SEMA6D: variants seen among roughly 807,000 people sequenced by gnomAD.
The protein encoded by SEMA6D is semaphorin 6D, also known as semaphorin-6D.
SEMA6D carries 35 observed loss-of-function variants against 106.6 expected under a neutral mutation model. The ratio of observed to expected loss-of-function variants is 0.33; its 90% confidence interval spans 0.25 to 0.44. SEMA6D has a LOEUF of 0.44. SEMA6D is among the 20% of genes least tolerant of loss of function. SEMA6D has a pLI of 1.00. For synonymous variants in SEMA6D, 499 were observed against 487.7 expected, an observed-to-expected ratio of 1.02 and a Z score of -0.31; for missense variants, 1,185 against 1,345.9, an observed-to-expected ratio of 0.88 and a Z score of 1.87.
At chr15:47,667,830 A>G (rs1218462270) in intron 4 of SEMA6D, among the ~76,000 whole-genome samples, 1 of 152,190 alleles carries the variant, frequency 6.6e-6, no homozygotes, top group Non-Finnish European at 1.5e-5. Flanking sequence ...CATTCAGTCT[A>G]TAACATTTAG....
chr15:47,337,044 C>T (rs75252577), intron 1 of SEMA6D, among the ~76,000 whole-genome samples: 25 of 152,180 alleles, frequency 1.6e-4, no homozygotes, highest in African/African-American at 4.6e-4. Context: ...TACACTCAGG[C>T]AACAGGGTGA....
intron 1 of SEMA6D, among the ~76,000 whole-genome samples, chr15:47,317,688 G>A (rs1288653931): frequency 3.9e-5 from 6 of 152,052 alleles, no homozygotes; most frequent in South Asian, 4.2e-4. Flanking sequence ...TTCCATTCTC[G>A]TATTGCTCGC....
At chr15:47,409,737 A>G (rs1189524242) in intron 1 of SEMA6D, among the ~76,000 whole-genome samples, 2 of 152,182 alleles carry the variant, frequency 1.3e-5, no homozygotes, top group Non-Finnish European at 2.9e-5. Flanking sequence ...GGTTAAGACC[A>G]GTATCCTCAG....
At chr15:47,585,738 A>G (rs1386640983) in intron 3 of SEMA6D, among the ~76,000 whole-genome samples, 2 of 149,762 alleles carry the variant, frequency 1.3e-5, no homozygotes, top group South Asian at 2.1e-4. Flanking sequence ...ACTATGTGCT[A>G]TGCACTGGGC....
chr15:47,289,283 A>C lies in SEMA6D; in HGVS notation c.-239+104865A>C, dbSNP rs1462572306. On this transcript the variant is annotated intron_variant, in intron 1 of 19. Coordinates refer to the SEMA6D transcript ENST00000558014. ...GTGGCCTGCACCTGTAATCCCAGCT[A>C]CTCAGGAGGCCAAAGCAGGAGAATC... 2.0e-5 allele frequency among the ~76,000 whole-genome samples: 3 copies of C among 150,988 alleles called. No homozygotes were observed. The East Asian group carries it at 5.9e-4, about 30-fold the overall frequency.
chr15:47,656,835 A>T (rs761368248), intron 4 of SEMA6D, among the ~76,000 whole-genome samples: 1 of 152,182 alleles, frequency 6.6e-6, no homozygotes, highest in Non-Finnish European at 1.5e-5. Flanking sequence ...ACAAGAGAGG[A>T]TGGTGATCAG....
intron 1 of SEMA6D, among the ~76,000 whole-genome samples, chr15:47,310,700 AGTAT>A (rs2036414980): frequency 6.6e-6 from 1 of 152,182 alleles, no homozygotes; most frequent in African/African-American, 2.4e-5. Flanking sequence ...TGAAGGAAGG[AGTAT>A]TTTCTATATA....
chr15:47,600,010 A>T (rs945517164), intron 3 of SEMA6D, among the ~76,000 whole-genome samples: 2 of 151,250 alleles, frequency 1.3e-5, no homozygotes, highest in Non-Finnish European at 3.0e-5. Flanking sequence ...CATTTGGGGA[A>T]TTTTTTTTTC....
intron 3 of SEMA6D, among the ~76,000 whole-genome samples, chr15:47,593,541 A>G (rs1402126403): frequency 2.0e-5 from 3 of 148,848 alleles, no homozygotes; most frequent in African/African-American, 7.4e-5. Flanking sequence ...AAATAATCAG[A>G]AAAAAAAAAG....
chr15:47,450,286 A>G (rs2042149045), intron 2 of SEMA6D, among the ~76,000 whole-genome samples: 1 of 152,080 alleles, frequency 6.6e-6, no homozygotes, highest in South Asian at 2.1e-4. Flanking sequence ...TTCATTCCAG[A>G]CATACTCATT....
intron 3 of SEMA6D, among the ~76,000 whole-genome samples, chr15:47,523,291 G>A (rs1003172040): frequency 6.6e-6 from 1 of 152,208 alleles, no homozygotes; most frequent in Admixed American, 6.5e-5. Flanking sequence ...TGCTCTGAGA[G>A]GAAACAGGTG....
intron 1 of SEMA6D, among the ~76,000 whole-genome samples, chr15:47,273,285 T>G (rs552457870): frequency 7.3e-5 from 11 of 151,622 alleles, no homozygotes; most frequent in Non-Finnish European, 2.9e-5. Context: ...TCTTTTGTAC[T>G]TACAGTGCCC....
intron 4 of SEMA6D, among the ~76,000 whole-genome samples, chr15:47,607,868 T>C (rs1051136802): frequency 6.6e-6 from 1 of 152,246 alleles, no homozygotes; most frequent in African/African-American, 2.4e-5. Context: ...GCAAAAGGCC[T>C]AGGGAGAGGA....
At chr15:47,748,155 C>A (rs1298560342) in intron 1 of SEMA6D, among the ~76,000 whole-genome samples, 1 of 152,164 alleles carries the variant, frequency 6.6e-6, no homozygotes, top group East Asian at 1.9e-4. Context: ...TATAGAGAAC[C>A]TCTTGGTTTT....
chr15:47,198,178 G>C (rs1404719876), intron 1 of SEMA6D, among the ~76,000 whole-genome samples: 1 of 152,052 alleles, frequency 6.6e-6, no homozygotes, highest in African/African-American at 2.4e-5. Flanking sequence ...GGTTACCAGG[G>C]GTTGGTGCAG....
In SEMA6D at chr15:47,237,310, A is replaced by G. The variant is rs185772597; in HGVS notation, c.-239+52892A>G. On this transcript the variant is annotated intron_variant, in intron 1 of 19. Transcript: ENST00000558014. Reference sequence around the variant, plus strand: ...CTCACCATTTTACTTTATTGGTTCAATATGCAATAGTTATTCCACTTAAAT... The same window carrying G: ...CTCACCATTTTACTTTATTGGTTCAGTATGCAATAGTTATTCCACTTAAAT... 5.2e-3 allele frequency among the ~76,000 whole-genome samples: 797 copies of G among 152,270 alleles called. 13 individuals are homozygous for G. The highest frequency in any genetic ancestry group is 0.018 in the African/African-American group (767 of 41,564).
chr15:47,222,955 A>C (rs1595764226), intron 1 of SEMA6D, among the ~76,000 whole-genome samples: 1 of 152,182 alleles, frequency 6.6e-6, no homozygotes, highest in East Asian at 1.9e-4. Flanking sequence ...TGACTAAAAA[A>C]CCACACTGAA....
chr15:47,186,930 G>A (rs1165141695), intron 1 of SEMA6D, among the ~76,000 whole-genome samples: 13 of 151,970 alleles, frequency 8.6e-5, no homozygotes, highest in Non-Finnish European at 1.5e-5. Flanking sequence ...GTGTTGCCAA[G>A]ATAATTATAT....
chr15:47,188,427 TGAG>T (rs958248550), intron 1 of SEMA6D, among the ~76,000 whole-genome samples: 3 of 152,146 alleles, frequency 2.0e-5, no homozygotes, highest in African/African-American at 7.2e-5. Flanking sequence ...ATTTGTGAAA[TGAG>T]GAGATATAAG....
Sources: allele counts gnomAD v4.1 joint callset (sites outside exome capture counted in the v4.1 genomes callset), GRCh38; gene constraint gnomAD v4.1.1; transcripts MANE v1.5; gene names NCBI Gene and HGNC (gene_info 2026-07-23, HGNC 2026-07-21).